CP: variants seen among roughly 807,000 people sequenced by gnomAD.
CP encodes the protein caeruloplasmin.
CP carries 64 observed loss-of-function variants against 122.4 expected under a neutral mutation model. The observed-to-expected ratio is 0.52, with a 90% confidence interval of 0.43 to 0.64. The LOEUF is 0.64. Among genes scored for constraint, CP ranks in the 30% least tolerant of loss-of-function variants. The pLI is 0.00. For synonymous variants in CP, 440 were observed against 436.4 expected, an observed-to-expected ratio of 1.01 and a Z score of -0.10; for missense variants, 1,167 against 1,284.4, an observed-to-expected ratio of 0.91 and a Z score of 1.40.
downstream of CP, chr3:149,168,045 C>G (rs1017257916): frequency 3.2e-5 from 31 of 965,226 alleles, no homozygotes; most frequent in African/African-American, 4.9e-5. Context: ...TTTGGTGAAG[C>G]CTTCTTAAGT....
chr3:149,196,417 C>G (rs1726899016), intron 9 of CP, among the ~76,000 whole-genome samples: 1 of 151,906 alleles, frequency 6.6e-6, no homozygotes, highest in South Asian at 2.1e-4. Flanking sequence ...ATTGTTTGCC[C>G]AATAGCAACA....
chr3:149,221,764 A>G lies in CP; in HGVS notation c.29T>C (p.Leu10Pro). The G allele has an allele frequency of 6.2e-7, 1 of 1,613,848 alleles. No individual in the cohort carries two copies. The highest frequency in any genetic ancestry group is 1.7e-5 in the Admixed American group (1 of 59,996). MKILILGIF[L>P]FLCSTPAWAK... is the part of the protein sequence containing the mutation. ...CCAGGCTGGGGTACTACATAAAAAC[A>G]GAAAAATACCAAGTATCAAAATCTT... The change falls in exon 1 of 19, where the codon CTG (leucine) becomes CCG (proline). Residue 10 changes from leucine to proline, a missense_variant. Leu to Pro is a moderately conservative substitution (Grantham distance 98). This residue lies in a region of CP where 642 missense variants were observed against 627.3 expected (regional missense o/e 1.02). Coordinates refer to ENST00000264613, the MANE Select transcript of CP (RefSeq NM_000096.4).
At chr3:149,221,583 T>G (rs1728808495) in intron 1 of CP, 64 bp downstream of exon 1, 1 of 1,480,832 alleles carries the variant, frequency 6.8e-7, no homozygotes, top group African/African-American at 1.4e-5. Context: ...TTTCATCTTA[T>G]TGGCTCTATC....
chr3:149,186,356 T>TA, intron 11 of CP, 164 bp downstream of exon 11: 1 of 695,088 alleles, frequency 1.4e-6, no homozygotes. Flanking sequence ...ATCTGGTACA[T>TA]ACTTCAGCTG....
intron 6 of CP, among the ~76,000 whole-genome samples, chr3:149,205,542 A>G (rs1038531293): frequency 6.6e-6 from 1 of 152,118 alleles, no homozygotes; most frequent in Non-Finnish European, 1.5e-5. Flanking sequence ...ATATACATAC[A>G]ATGAAGCATT....
At chr3:149,209,103 G>C in intron 4 of CP, 108 bp downstream of exon 4, 1 of 1,381,830 alleles carries the variant, frequency 7.2e-7, no homozygotes, top group Middle Eastern at 1.8e-4. Flanking sequence ...TTGTTATAAG[G>C]ACCACAGACT....
chr3:149,205,384 C>A (rs568011294), intron 6 of CP, among the ~76,000 whole-genome samples: 1 of 148,964 alleles, frequency 6.7e-6, no homozygotes, highest in South Asian at 2.1e-4. Context: ...GGAATCGCTT[C>A]TAGCTGGATA....
chr3:149,166,697 G>A (rs190937774), intron 4 of CP, among the ~76,000 whole-genome samples: 1 of 152,134 alleles, frequency 6.6e-6, no homozygotes, highest in African/African-American at 2.4e-5. Flanking sequence ...GAACATCATT[G>A]GACGTAAATC....
intron 18 of CP, chr3:149,175,876 G>T (rs1356607813): frequency 5.2e-6 from 1 of 193,724 alleles, no homozygotes; most frequent in African/African-American, 2.4e-5. Context: ...ACATGGAGGT[G>T]CCACCTAGAA....
At position 149,210,135 on chromosome 3, in the gene CP, C is replaced by A; in HGVS notation, c.607+32G>T. The A allele has an allele frequency of 1.9e-6, 3 of 1,603,400 alleles. No homozygotes were observed. The South Asian group carries it at 3.3e-5, about 18-fold the overall frequency. On this transcript the variant is annotated intron_variant, in intron 3 of 18. Coordinates refer to ENST00000264613, the MANE Select transcript of CP (RefSeq NM_000096.4). ...AACTGCCCTGCCCCTGTCTTTTGGT[C>A]ATATAGCATGTGCAATAAGGAGAAG...
chr3:149,178,340 G>T, intron 16 of CP, 75 bp downstream of exon 16: 2 of 1,160,566 alleles, frequency 1.7e-6, no homozygotes, highest in African/African-American at 1.6e-5. Flanking sequence ...CAAATGAATG[G>T]TCTCCAAAAT....
intron 14 of CP, 24 bp downstream of exon 14, chr3:149,181,981 C>T: frequency 1.9e-6 from 1 of 520,426 alleles, no homozygotes; most frequent in Non-Finnish European, 3.7e-6. Flanking sequence ...AATGCACCAC[C>T]CCCACCCCCG....
At chr3:149,182,923 G>T (rs36106034) in intron 13 of CP, among the ~76,000 whole-genome samples, 1,620 of 152,236 alleles carry the variant, frequency 0.011, 32 homozygotes, top group African/African-American at 0.038. Context: ...GGCTGAGGTG[G>T]GCGGATCACT....
intron 18 of CP, chr3:149,175,893 T>G (rs1024947310): frequency 4.6e-5 from 9 of 194,158 alleles, no homozygotes; most frequent in African/African-American, 2.1e-4. Flanking sequence ...AGAAAAAAAA[T>G]TGTTTTTTGT....
At chr3:149,183,713 A>G in intron 12 of CP, 108 bp from the exon 13 acceptor site, 1 of 792,814 alleles carries the variant, frequency 1.3e-6, no homozygotes, top group Non-Finnish European at 2.0e-6. Flanking sequence ...GAGTAATTAT[A>G]GTAGTTTTAA....
At chr3:149,167,889 A>G, downstream of CP, 2 of 1,564,534 alleles carry the variant, frequency 1.3e-6, no homozygotes, top group Non-Finnish European at 1.8e-6. Flanking sequence ...TTTTCCTAAG[A>G]TAGACTCTGT....
intron 1 of CP, among the ~76,000 whole-genome samples, chr3:149,219,104 G>C (rs1728650108): frequency 6.6e-6 from 1 of 152,126 alleles, no homozygotes; most frequent in African/African-American, 2.4e-5. Flanking sequence ...TGGCAAAATT[G>C]CTGAAGCTGT....
At chr3:149,201,581 T>TTTTG (rs772562982) in intron 7 of CP, among the ~76,000 whole-genome samples, 7 of 151,856 alleles carry the variant, frequency 4.6e-5, no homozygotes, top group East Asian at 2.0e-4. Context: ...CAGCATGGGT[T>TTTTG]TTTGTTTGTT....
downstream of CP, among the ~76,000 whole-genome samples, chr3:149,168,641 C>T (rs1301281057): frequency 2.0e-5 from 3 of 152,114 alleles, no homozygotes; most frequent in Middle Eastern, 3.4e-3. Context: ...AATGTAAGGC[C>T]GAGTCAGTGG....
Sources: allele counts gnomAD v4.1 joint callset (sites outside exome capture counted in the v4.1 genomes callset), GRCh38; gene constraint gnomAD v4.1.1; regional missense constraint gnomAD v4.1.1; transcripts MANE v1.5; gene names NCBI Gene and HGNC (gene_info 2026-07-23, HGNC 2026-07-21).